BLTP1: variants seen among roughly 807,000 people sequenced by gnomAD.
The protein encoded by BLTP1 is fragile site-associated protein.
chr4:122,297,725 C>G, the BLTP1 span, among the ~76,000 whole-genome samples: 1 of 152,088 alleles, frequency 6.6e-6, no homozygotes, highest in Non-Finnish European at 1.5e-5. Flanking sequence ...TGCTGTGCAG[C>G]CACAAAAAGG....
chr4:122,309,467 G>A, the BLTP1 span: 1 of 1,611,580 alleles, frequency 6.2e-7, no homozygotes, highest in Non-Finnish European at 8.5e-7. Context: ...GAATGCCTGT[G>A]AGTATCTTTT....
chr4:122,280,189 T>G, the BLTP1 span: 1 of 985,302 alleles, frequency 1.0e-6, no homozygotes, highest in Non-Finnish European at 1.2e-6. Flanking sequence ...AGTGCAATTG[T>G]CAGTGTTCCA....
chr4:122,240,769 G>C, the BLTP1 span, among the ~76,000 whole-genome samples: 1 of 152,110 alleles, frequency 6.6e-6, no homozygotes, highest in South Asian at 2.1e-4. Context: ...TTATAATTCA[G>C]TATGAATATG....
At chr4:122,244,052 A>G in the BLTP1 span, 1 of 1,550,584 alleles carries the variant, frequency 6.4e-7, no homozygotes. Flanking sequence ...TAGAAATACA[A>G]CTGTTGCTTT....
chr4:122,165,317 G>A, the BLTP1 span, among the ~76,000 whole-genome samples: 1 of 151,658 alleles, frequency 6.6e-6, no homozygotes, highest in Non-Finnish European at 1.5e-5. Flanking sequence ...GTGAGAACAT[G>A]TGGTGTTTGG....
chr4:122,346,526 T>TTAC, the BLTP1 span: 1 of 1,467,032 alleles, frequency 6.8e-7, no homozygotes, highest in Non-Finnish European at 9.0e-7. Flanking sequence ...GTAACTTAAG[T>TTAC]ATAATTCAGC....
chr4:122,300,036 GTC>G, the BLTP1 span: 1 of 703,328 alleles, frequency 1.4e-6, no homozygotes, highest in Admixed American at 6.3e-5. Context: ...TTTTGAGTCA[GTC>G]TCTGTCATCC....
chr4:122,186,894 C>A, the BLTP1 span: 2 of 344,510 alleles, frequency 5.8e-6, no homozygotes, highest in Non-Finnish European at 8.2e-6. Flanking sequence ...CATTTGTGTA[C>A]TTTGTATATG....
chr4:122,316,825 G>T, the BLTP1 span: 1 of 1,611,894 alleles, frequency 6.2e-7, no homozygotes, highest in Non-Finnish European at 8.5e-7. Context: ...GGATATCAGA[G>T]AACTGAATGA....
the BLTP1 span, chr4:122,224,825 T>G: frequency 2.6e-6 from 4 of 1,546,116 alleles, no homozygotes; most frequent in East Asian, 7.2e-5. Context: ...CATTCAGAAT[T>G]TTAGTTATAG....
At chr4:122,168,283 A>G in the BLTP1 span, among the ~76,000 whole-genome samples, 12 of 152,254 alleles carry the variant, frequency 7.9e-5, no homozygotes, top group African/African-American at 2.9e-4. Context: ...TTACTGTGGT[A>G]GGTCATGATT....
chr4:122,296,372 A>C, the BLTP1 span, among the ~76,000 whole-genome samples: 1 of 152,222 alleles, frequency 6.6e-6, no homozygotes, highest in Non-Finnish European at 1.5e-5. Context: ...GAAGTGATGG[A>C]CCTCTTCAAG....
At chr4:122,339,829 G>T in the BLTP1 span, among the ~76,000 whole-genome samples, 1 of 152,124 alleles carries the variant, frequency 6.6e-6, no homozygotes, top group Non-Finnish European at 1.5e-5. Context: ...ATCACACTGG[G>T]TGAAAACTGT....
At chr4:122,346,310 A>G in the BLTP1 span, 4 of 314,744 alleles carry the variant, frequency 1.3e-5, no homozygotes, top group Non-Finnish European at 1.8e-5. Context: ...CATCCTGATG[A>G]TTCATTTTCC....
At chr4:122,254,376 G>A in the BLTP1 span, 47 of 1,490,114 alleles carry the variant, frequency 3.2e-5, no homozygotes, top group South Asian at 2.2e-4. Flanking sequence ...TAGTAGTATC[G>A]CTTGATGTTT....
At chr4:122,312,423 T>C in the BLTP1 span, among the ~76,000 whole-genome samples, 1 of 152,220 alleles carries the variant, frequency 6.6e-6, no homozygotes, top group Non-Finnish European at 1.5e-5. Flanking sequence ...TACTAATTCT[T>C]CCTTTCACTT....
the BLTP1 span, chr4:122,254,271 A>G: frequency 6.2e-7 from 1 of 1,613,486 alleles, no homozygotes. Context: ...TGTAGCATGA[A>G]GTTGACCATT....
chr4:122,286,535 T>A, the BLTP1 span: 1 of 1,613,924 alleles, frequency 6.2e-7, no homozygotes, highest in Non-Finnish European at 8.5e-7. Context: ...TTCTCATTTC[T>A]TACAGGTGCA....
the BLTP1 span, chr4:122,194,503 G>A: frequency 1.2e-6 from 1 of 868,482 alleles, no homozygotes; most frequent in South Asian, 5.3e-5. Context: ...GCATATAGTT[G>A]AAAATGAGAG....
Sources: allele counts gnomAD v4.1 joint callset (sites outside exome capture counted in the v4.1 genomes callset), GRCh38; gene constraint gnomAD v4.1.1; transcripts MANE v1.5; gene names NCBI Gene and HGNC (gene_info 2026-07-23, HGNC 2026-07-21).